Variants in CNTNAP2 observed in about 807,000 individuals in gnomAD.
CNTNAP2 encodes the protein contactin associated protein 2.
CNTNAP2 carries 98 observed loss-of-function variants against 155.2 expected under a neutral mutation model. That is an observed-to-expected ratio of 0.63 (90% CI 0.54 to 0.75). The LOEUF is 0.75. CNTNAP2 is among the 30% of genes least tolerant of loss of function. The pLI, the probability that CNTNAP2 is intolerant of heterozygous loss-of-function variation, is 0.00. For missense variants in CNTNAP2, 1,727 were observed against 1,688.1 expected (o/e 1.02, Z -0.40); for synonymous variants, 651 against 631.2 (o/e 1.03, Z -0.47).
chr7:147,103,827 T>C (rs1173000050), intron 4 of CNTNAP2, among the ~76,000 whole-genome samples: 1 of 152,070 alleles, frequency 6.6e-6, no homozygotes, highest in East Asian at 1.9e-4. Context: ...TAATGCAGTC[T>C]AGTCCTAAGA....
rs116896946 is a variant in CNTNAP2 at position 147,501,281 on chromosome 7, C to A, written c.1777+15240C>A. The stretch of plus-strand genomic sequence containing the variant: ...AGGAGCCCACAGCTATCATCATCCT[C>A]AATGGTGAAAAACTGAACGCTTTCC... On this transcript the variant is annotated intron_variant, in intron 11 of 23. Coordinates refer to ENST00000361727, the MANE Select transcript of CNTNAP2 (RefSeq NM_014141.6). 3.9e-3 allele frequency among the ~76,000 whole-genome samples: 587 copies of A among 151,864 alleles called. 5 individuals are homozygous for A. Among genetic ancestry groups the A allele is most frequent in the East Asian group, 0.035 (181 of 5,166 alleles).
At chr7:148,232,208 A>G (rs927508414) in intron 20 of CNTNAP2, among the ~76,000 whole-genome samples, 2 of 152,210 alleles carry the variant, frequency 1.3e-5, no homozygotes, top group African/African-American at 4.8e-5. Flanking sequence ...GGAGGAAGAC[A>G]AGATGTAGTT....
chr7:148,372,900 T>C (rs1237873377), intron 21 of CNTNAP2, among the ~76,000 whole-genome samples: 3 of 152,252 alleles, frequency 2.0e-5, no homozygotes, highest in Non-Finnish European at 4.4e-5. Flanking sequence ...AAGATTTTGC[T>C]ATTTAAAAAT....
chr7:146,944,856 C>T (rs920021123), intron 3 of CNTNAP2, among the ~76,000 whole-genome samples: 1 of 150,302 alleles, frequency 6.7e-6, no homozygotes, highest in Non-Finnish European at 1.5e-5. Context: ...CTGGCCTGGG[C>T]GACAGTGCGA....
At chr7:146,667,634 C>T (rs1361111119) in intron 1 of CNTNAP2, among the ~76,000 whole-genome samples, 1 of 151,778 alleles carries the variant, frequency 6.6e-6, no homozygotes, top group South Asian at 2.1e-4. Flanking sequence ...CATTTGTATC[C>T]TCTTCAGTTT....
At chr7:146,884,365 T>C (rs372266960) in intron 3 of CNTNAP2, among the ~76,000 whole-genome samples, 88 of 152,256 alleles carry the variant, frequency 5.8e-4, no homozygotes, top group African/African-American at 2.0e-3. Flanking sequence ...CAGCTAAAAT[T>C]GGAGGAAGAA....
At chr7:146,676,582 A>G (rs1199003138) in intron 1 of CNTNAP2, among the ~76,000 whole-genome samples, 2 of 152,134 alleles carry the variant, frequency 1.3e-5, no homozygotes, top group Non-Finnish European at 2.9e-5. Flanking sequence ...TAGCACCTGT[A>G]GTAGTCTGTT....
Position 146,367,989 on chromosome 7 carries a change from G to T in CNTNAP2, c.97+251016G>T, listed in dbSNP as rs547618175. ...CTTTTCTCTCATGGAAGTAAGAAAA[G>T]AATCCATTTCATCAAAGGTTGAACA... On this transcript the variant is annotated intron_variant, in intron 1 of 23. Transcript: ENST00000361727. Among the ~76,000 whole-genome samples the T allele has an allele frequency of 5.3e-5, 8 of 152,180 alleles. No homozygotes were observed. The South Asian group carries it at 1.5e-3, about 28-fold the overall frequency.
chr7:147,460,118 GT>G (rs1423147853), intron 10 of CNTNAP2, among the ~76,000 whole-genome samples: 5 of 151,928 alleles, frequency 3.3e-5, no homozygotes. Context: ...TTCTGCACGT[GT>G]ATCCCAGAAC....
intron 1 of CNTNAP2, among the ~76,000 whole-genome samples, chr7:146,622,881 C>T (rs1030877791): frequency 6.6e-6 from 1 of 150,924 alleles, no homozygotes; most frequent in African/African-American, 2.4e-5. Context: ...TGCTTGAACT[C>T]GGCCAGCGGA....
At chr7:147,358,536 C>T (rs183573904) in intron 9 of CNTNAP2, among the ~76,000 whole-genome samples, 24 of 151,968 alleles carry the variant, frequency 1.6e-4, no homozygotes, top group East Asian at 3.9e-4. Flanking sequence ...AATGTTTGAA[C>T]GATCTATAAT....
intron 2 of CNTNAP2, among the ~76,000 whole-genome samples, chr7:146,783,787 A>G (rs1426657823): frequency 6.6e-6 from 1 of 152,234 alleles, no homozygotes; most frequent in Non-Finnish European, 1.5e-5. Flanking sequence ...ACAAGTTTCC[A>G]TAATCAAATC....
In CNTNAP2 at chr7:147,378,028, T is replaced by C. The variant is rs114864936; in HGVS notation, c.1499-17581T>C. The stretch of plus-strand genomic sequence containing the variant: ...CCCTTTTCTCTCCTCTGAAATTCTA[T>C]TAATATTGTTCCAAAAGTAATTACA... On this transcript the variant is annotated intron_variant, in intron 9 of 23. Transcript: ENST00000361727. The C allele has an allele frequency of 2.8e-3, 1,299 of 468,276 alleles. 15 individuals carry two copies. Among genetic ancestry groups the C allele is most frequent in the African/African-American group, 0.023 (1,174 of 50,000 alleles). 29.0% of individuals were successfully genotyped at this position (468,276 alleles called of 1,614,324 possible).
intron 2 of CNTNAP2, among the ~76,000 whole-genome samples, chr7:146,790,420 A>G (rs1802649407): frequency 6.6e-6 from 1 of 152,198 alleles, no homozygotes; most frequent in East Asian, 1.9e-4. Flanking sequence ...CTAACTAGGA[A>G]GAGAAGTATG....
chr7:148,288,198 C>T (rs939473556), intron 21 of CNTNAP2, among the ~76,000 whole-genome samples: 1 of 151,596 alleles, frequency 6.6e-6, no homozygotes, highest in Non-Finnish European at 1.5e-5. Flanking sequence ...CTCCCAGCTT[C>T]AAGTGATTCT....
At chr7:146,256,332 T>C (rs956502731) in intron 1 of CNTNAP2, among the ~76,000 whole-genome samples, 8 of 152,164 alleles carry the variant, frequency 5.3e-5, no homozygotes, top group African/African-American at 1.9e-4. Context: ...AATAAAATGT[T>C]AGGAAATTTG....
intron 8 of CNTNAP2, among the ~76,000 whole-genome samples, chr7:147,257,574 T>C (rs1804359908): frequency 6.6e-6 from 1 of 152,228 alleles, no homozygotes; most frequent in African/African-American, 2.4e-5. Flanking sequence ...TTACCACATG[T>C]ATGGAACTCC....
intron 13 of CNTNAP2, among the ~76,000 whole-genome samples, chr7:147,855,951 A>C (rs1799029035): frequency 6.6e-6 from 1 of 152,142 alleles, no homozygotes; most frequent in African/African-American, 2.4e-5. Flanking sequence ...AAGGACCCAC[A>C]GAAGTGAAAC....
At chr7:146,906,450 G>T (rs923232878) in intron 3 of CNTNAP2, among the ~76,000 whole-genome samples, 11 of 152,130 alleles carry the variant, frequency 7.2e-5, no homozygotes, top group African/African-American at 2.7e-4. Flanking sequence ...CGCAGCTGGA[G>T]ATCTGAAAAC....
Sources: allele counts gnomAD v4.1 joint callset (sites outside exome capture counted in the v4.1 genomes callset), GRCh38; gene constraint gnomAD v4.1.1; transcripts MANE v1.5; gene names NCBI Gene and HGNC (gene_info 2026-07-23, HGNC 2026-07-21).